GM2A: variants seen among roughly 807,000 people sequenced by gnomAD.
The protein encoded by GM2A is ganglioside GM2 activator.
A neutral mutation model predicts 12.9 loss-of-function variants in GM2A; 7 were observed. The observed-to-expected ratio is 0.54, with a 90% CI of 0.31 to 1.02. GM2A has a LOEUF of 1.02. GM2A is among the 50% of genes least tolerant of loss of function. The pLI is 0.05. For missense variants in GM2A, 246 were observed against 241.0 expected (o/e 1.02, Z -0.14); for synonymous variants, 101 against 96.0 (o/e 1.05, Z -0.30).
In GM2A at chr5:151,269,357, C is replaced by T. The variant is rs961861909; in HGVS notation, c.*1906C>T. On this transcript the variant is annotated 3_prime_UTR_variant, in exon 4 of 4. Transcript: ENST00000357164. ...GTTTGTTGGAACGGTACAGGTGAGC[C>T]GAGGTGATTCCAGGGACGGACCCTT... The T allele has an allele frequency of 6.1e-6, 6 of 985,400 alleles. No homozygotes were observed. The highest frequency in any genetic ancestry group is 4.7e-5 in the South Asian group (1 of 21,290). The allele number at this position is 985,400 out of a possible 1,614,324, so 61.0% of individuals were successfully genotyped here.
Position 151,259,918 on chromosome 5 carries a change from T to A in GM2A, c.243+2T>A. On this transcript the variant is annotated splice_donor_variant, in intron 2 of 3. Coordinates refer to ENST00000357164, the MANE Select transcript of GM2A (RefSeq NM_000405.5). LOFTEE classifies it high-confidence loss of function. ...GTCCCCCTGAGTTCTCCTCTGAAGG[T>A]GAGCCTGGGGGTGGGTGGAGAAGGG... is the stretch of plus-strand genomic sequence containing the variant. 6.2e-7 allele frequency: 1 copy of A among 1,612,484 alleles called. No individual in the cohort carries two copies.
In GM2A at chr5:151,268,344, G is replaced by A; in HGVS notation, c.*893G>A. The stretch of plus-strand genomic sequence containing the variant: ...TAATTTGTGTATTTTTAGTAGAGAT[G>A]GGGTTTCACCATGTTGGCCAGGATG... On this transcript the variant is annotated 3_prime_UTR_variant, in exon 4 of 4. Coordinates refer to ENST00000357164, the MANE Select transcript of GM2A (RefSeq NM_000405.5). 1 of 456,488 alleles carries A rather than the reference G, an allele frequency of 2.2e-6. No individual in the cohort carries two copies. The highest frequency in any genetic ancestry group is 2.9e-6 in the Non-Finnish European group (1 of 346,934). 28.3% of individuals were successfully genotyped at this position (456,488 alleles called of 1,614,324 possible). A position where few individuals can be genotyped will look rare whatever the true frequency, so the allele number is the denominator to read the frequency against.
chr5:151,266,952 T>C (rs768875960), intron 3 of GM2A, 39 bp downstream of exon 3: 2 of 1,497,480 alleles, frequency 1.3e-6, no homozygotes, highest in Non-Finnish European at 1.9e-6. Flanking sequence ...CCCCTGTGGC[T>C]AAAGAGATGG....
intron 2 of GM2A, among the ~76,000 whole-genome samples, chr5:151,261,884 T>TG (rs1369207015): frequency 6.6e-6 from 1 of 152,212 alleles, no homozygotes; most frequent in Non-Finnish European, 1.5e-5. Flanking sequence ...AGAGGGTTTT[T>TG]TTTGTTTGTT....
rs1368002361 is a variant in GM2A at position 151,267,733 on chromosome 5, C to T, written c.*282C>T. On this transcript the variant is annotated 3_prime_UTR_variant, in exon 4 of 4. Coordinates refer to ENST00000357164, the MANE Select transcript of GM2A (RefSeq NM_000405.5). ...CGTTAACATTCTCTCTAAAGAGCCT[C>T]GTTCATTTCCAAAGCAGTTAAGGAA... is the stretch of plus-strand genomic sequence containing the variant. 21 of 1,308,854 alleles carry T rather than the reference C, an allele frequency of 1.6e-5. No individual in the cohort carries two copies. The highest frequency in any genetic ancestry group is 5.7e-5 in the South Asian group (4 of 70,016). 81.1% of individuals were successfully genotyped at this position (1,308,854 alleles called of 1,614,324 possible). A position where few individuals can be genotyped will look rare whatever the true frequency, so the allele number is the denominator to read the frequency against.
intron 1 of GM2A, 22 bp downstream of exon 1, chr5:151,253,319 A>G: frequency 6.3e-7 from 1 of 1,580,548 alleles, no homozygotes; most frequent in Non-Finnish European, 8.7e-7. Context: ...CTCTTTTAAG[A>G]GTCTGTTTGC....
chr5:151,261,313 C>T (rs983321719), intron 2 of GM2A, among the ~76,000 whole-genome samples: 8 of 152,242 alleles, frequency 5.3e-5, no homozygotes, highest in Non-Finnish European at 7.3e-5. Flanking sequence ...GCGTGAGCCA[C>T]CTTGCTCAGC....
chr5:151,264,312 C>T (rs1753846693), intron 2 of GM2A, among the ~76,000 whole-genome samples: 2 of 152,172 alleles, frequency 1.3e-5, no homozygotes, highest in Admixed American at 6.5e-5. Flanking sequence ...GCCTTAGAAC[C>T]CTCTGTTGAC....
At chr5:151,263,964 A>G (rs1255541609) in intron 2 of GM2A, among the ~76,000 whole-genome samples, 5 of 152,174 alleles carry the variant, frequency 3.3e-5, no homozygotes, top group African/African-American at 1.2e-4. Flanking sequence ...GGCCGTGGGT[A>G]AGACTGGGGC....
chr5:151,260,753 T>G (rs1753781924), intron 2 of GM2A, among the ~76,000 whole-genome samples: 1 of 152,224 alleles, frequency 6.6e-6, no homozygotes, highest in Non-Finnish European at 1.5e-5. Context: ...ACATATTTAT[T>G]TTTAATGGAT....
At chr5:151,264,875 A>T (rs1753855548) in intron 2 of GM2A, among the ~76,000 whole-genome samples, 1 of 152,034 alleles carries the variant, frequency 6.6e-6, no homozygotes, top group Admixed American at 6.6e-5. Context: ...TCAGCTACTC[A>T]GGAGGCTAAG....
At chr5:151,258,464 A>G (rs1467560556) in intron 1 of GM2A, among the ~76,000 whole-genome samples, 1 of 152,192 alleles carries the variant, frequency 6.6e-6, no homozygotes, top group East Asian at 1.9e-4. Flanking sequence ...TGTTTGGCTA[A>G]AGCTGTCATT....
intron 1 of GM2A, among the ~76,000 whole-genome samples, chr5:151,259,094 G>A (rs1753746256): frequency 6.6e-6 from 1 of 152,158 alleles, no homozygotes; most frequent in African/African-American, 2.4e-5. Flanking sequence ...GATCCAAGTG[G>A]GCATGTGGCA....
intron 1 of GM2A, 137 bp from the exon 2 acceptor site, chr5:151,259,618 C>G: frequency 1.4e-6 from 1 of 731,320 alleles, no homozygotes; most frequent in East Asian, 2.7e-5. Flanking sequence ...GGTATGGAGT[C>G]TCATAGATGA....
At position 151,269,611 on chromosome 5, in the gene GM2A, T is replaced by A; in HGVS notation, c.*2160T>A. 4.8e-6 allele frequency: 1 copy of A among 209,366 alleles called. No homozygotes were observed. The allele number at this position is 209,366 out of a possible 1,614,324, so 13.0% of individuals were successfully genotyped here. A position where few individuals can be genotyped will look rare whatever the true frequency, so the allele number is the denominator to read the frequency against. Reference sequence around the variant, plus strand: ...GCAAAACGCCTTATTTGGGGAAAATTAAAAGTAATTAGACTTTCCTATTAT... The same window carrying A: ...GCAAAACGCCTTATTTGGGGAAAATAAAAAGTAATTAGACTTTCCTATTAT... On this transcript the variant is annotated 3_prime_UTR_variant, in exon 4 of 4. Coordinates refer to ENST00000357164, the MANE Select transcript of GM2A (RefSeq NM_000405.5).
At chr5:151,258,397 A>G (rs1399167630) in intron 1 of GM2A, among the ~76,000 whole-genome samples, 6 of 152,240 alleles carry the variant, frequency 3.9e-5, no homozygotes, top group African/African-American at 1.4e-4. Flanking sequence ...CCAAAGGGGA[A>G]ACTGGCCTAT....
Position 151,266,916 on chromosome 5 carries a change from A to G in GM2A, c.426+3A>G. Reference sequence around the variant, plus strand: ...CTTGCCACTGTCCCTTCAAAGAAGTAAGTACTTAGGGAGGAGAGAGCGTTA... The same window carrying G: ...CTTGCCACTGTCCCTTCAAAGAAGTGAGTACTTAGGGAGGAGAGAGCGTTA... On this transcript the variant is annotated splice_donor_region_variant and intron_variant, in intron 3 of 3. Coordinates refer to ENST00000357164, the MANE Select transcript of GM2A (RefSeq NM_000405.5). The G allele has an allele frequency of 6.2e-7, 1 of 1,610,640 alleles. No homozygotes were observed. Among genetic ancestry groups the G allele is most frequent in the Non-Finnish European group, 8.5e-7 (1 of 1,176,958 alleles).
At position 151,268,890 on chromosome 5, in the gene GM2A, G is replaced by A; in HGVS notation, c.*1439G>A. On this transcript the variant is annotated 3_prime_UTR_variant, in exon 4 of 4. Transcript: ENST00000357164. ...CTTGTCCTCTTAAGACAACTCCTGT[G>A]GCACCGTTTCTCCCTCCACAGGGCC... 1.0e-6 allele frequency: 1 copy of A among 985,432 alleles called. No individual in the cohort carries two copies. The highest frequency in any genetic ancestry group is 1.2e-6 in the Non-Finnish European group (1 of 829,966). 61.0% of individuals were successfully genotyped at this position (985,432 alleles called of 1,614,324 possible).
Position 151,259,891 on chromosome 5 carries a change from G to C in GM2A, c.218G>C (p.Ser73Thr), listed in dbSNP as rs1260621235. 1 of 1,613,702 alleles carries C rather than the reference G, an allele frequency of 6.2e-7. No homozygotes were observed. Among genetic ancestry groups the C allele is most frequent in the Non-Finnish European group, 8.5e-7 (1 of 1,179,756 alleles). ...NVTLSVMGSTSVPLSSPLKVD... is the reference protein window; with the variant it reads ...NVTLSVMGSTTVPLSSPLKVD... ...ACCCTCAGTGTCATGGGCAGCACCA[G>C]TGTCCCCCTGAGTTCTCCTCTGAAG... The change falls in exon 2 of 4, where the codon AGT becomes ACT. Residue 73 changes from serine (S) to threonine (T), a missense_variant. By Grantham distance (58) the Ser-to-Thr change is moderately conservative. Transcript: ENST00000357164.
Sources: gnomAD v4.1 joint callset for allele counts (sites outside exome capture counted in the v4.1 genomes callset) on GRCh38, gnomAD v4.1.1 for gene constraint, MANE v1.5 for transcripts, NCBI Gene and HGNC (gene_info 2026-07-23, HGNC 2026-07-21) for gene names.